Variants in YIPF1 observed in about 807,000 individuals in gnomAD.
YIPF1 encodes the protein Yip1 domain family member 1, also known as protein YIPF1.
A neutral mutation model predicts 37.0 loss-of-function variants in YIPF1; 22 were observed. The observed-to-expected ratio is 0.59, with a 90% CI of 0.42 to 0.85. YIPF1 has a LOEUF of 0.85. Ranked by LOEUF, YIPF1 falls within the 40% of genes least tolerant of loss-of-function variation. The pLI, the probability that YIPF1 is intolerant of heterozygous loss-of-function variation, is 0.00. For missense variants in YIPF1, 355 were observed against 373.1 expected (o/e 0.95, Z 0.40); for synonymous variants, 128 against 131.9 (o/e 0.97, Z 0.21).
rs530924573 is a variant in YIPF1, at chr1:53,887,163, T to A, written c.31+1744A>T. Among the ~76,000 whole-genome samples the A allele has an allele frequency of 8.9e-4, 136 of 152,062 alleles. 3 individuals carry two copies. Among genetic ancestry groups the A allele is most frequent in the African/African-American group, 3.3e-3 (135 of 41,322 alleles). On this transcript the variant is annotated intron_variant, in intron 3 of 10. Transcript: ENST00000072644. ...GCACAGTGGTGCGATCTCGGTTCAC[T>A]GCAACCTCTGGGTTTGAGCAATTCT... is the stretch of plus-strand genomic sequence containing the variant.
chr1:53,861,476 A>G (rs1408899525), intron 9 of YIPF1, among the ~76,000 whole-genome samples: 1 of 152,140 alleles, frequency 6.6e-6, no homozygotes, highest in Non-Finnish European at 1.5e-5. Context: ...GTGACTTTGG[A>G]CAAGTCGCTC....
At chr1:53,864,597 C>T (rs780779166) in intron 9 of YIPF1, among the ~76,000 whole-genome samples, 1 of 150,844 alleles carries the variant, frequency 6.6e-6, no homozygotes, top group Non-Finnish European at 1.5e-5. Flanking sequence ...GAAACATTTA[C>T]TCCTAAAATT....
rs759261713 is a variant in YIPF1 at position 53,885,893 on chromosome 1, G to A, written c.32-2617C>T. On this transcript the variant is annotated intron_variant, in intron 3 of 10. Transcript: ENST00000072644. Reference sequence around the variant, plus strand: ...GTAATACAAAGGATAAATGCTTGAAGTGATGGACACCCTGTTTACCCTGAT... The same window carrying A: ...GTAATACAAAGGATAAATGCTTGAAATGATGGACACCCTGTTTACCCTGAT... 9.3e-4 allele frequency among the ~76,000 whole-genome samples: 141 copies of A among 151,404 alleles called. 1 individual carries two copies. The highest frequency in any genetic ancestry group is 1.7e-3 in the Non-Finnish European group (114 of 67,956).
intron 9 of YIPF1, among the ~76,000 whole-genome samples, chr1:53,861,313 G>T (rs2100721921): frequency 6.6e-6 from 1 of 152,128 alleles, no homozygotes; most frequent in East Asian, 1.9e-4. Context: ...GCTAGTGCTG[G>T]GCTCCTCCAG....
At chr1:53,866,042 C>G (rs1883452) in intron 9 of YIPF1, among the ~76,000 whole-genome samples, 158 bp downstream of exon 9, 66,724 of 152,044 alleles carry the variant, frequency 0.44, 15,632 homozygotes, top group African/African-American at 0.61. Context: ...GCTCGAGATC[C>G]GCCCACTTGG....
Position 53,871,400 on chromosome 1 carries a change from C to T in YIPF1, c.453G>A (p.Thr151=), listed in dbSNP as rs767622145. The change falls in exon 7 of 11, where the codon ACG becomes ACA. Residue 151 remains threonine, a synonymous_variant. Coordinates refer to ENST00000072644, the MANE Select transcript of YIPF1 (RefSeq NM_018982.5). The part of the protein sequence containing the change: ...SNFLIHLGEK[T]YHYVPEFRKV... ...TTCGGAATTCGGGCACATAATGGTA[C>T]GTCTTCTCTCCCAGATGGATCAAGA... 5.0e-6 allele frequency: 8 copies of T among 1,613,848 alleles called. No homozygotes were observed. In the South Asian group the frequency reaches 6.6e-5, roughly 13 times the overall value.
chr1:53,862,677 G>T (rs1456785404), intron 9 of YIPF1, among the ~76,000 whole-genome samples: 1 of 152,086 alleles, frequency 6.6e-6, no homozygotes, highest in Non-Finnish European at 1.5e-5. Context: ...AAGCTGTCTG[G>T]TTCAGCCGGT....
intron 4 of YIPF1, among the ~76,000 whole-genome samples, chr1:53,881,260 A>G (rs1442610525): frequency 3.4e-5 from 4 of 117,498 alleles, no homozygotes; most frequent in Non-Finnish European, 6.1e-5. Flanking sequence ...AAAAAAAAAA[A>G]AGAAAAAGAA....
rs1479351027 is a variant in YIPF1 at position 53,889,738 on chromosome 1, T to G, written c.-295A>C. The G allele has an allele frequency of 6.6e-6, 1 of 152,152 alleles. No individual in the cohort carries two copies. Among genetic ancestry groups the G allele is most frequent in the African/African-American group, 2.4e-5 (1 of 41,398 alleles). 9.4% of individuals were successfully genotyped at this position (152,152 alleles called of 1,614,324 possible). A position where few individuals can be genotyped will look rare whatever the true frequency, so the allele number is the denominator to read the frequency against. On this transcript the variant is annotated 5_prime_UTR_variant, in exon 1 of 11. Transcript: ENST00000072644. ...CTCGCGGGGTTAGGCGTCCCCCGGG[T>G]CCCGAGAAGGCTCGGGCCTCAGTTG...
chr1:53,871,658 C>A lies in YIPF1; in HGVS notation c.365-170G>T, dbSNP rs564964612. Among the ~76,000 whole-genome samples the A allele has an allele frequency of 1.8e-4, 28 of 152,074 alleles. No individual in the cohort carries two copies. The South Asian group carries it at 5.4e-3, about 29-fold the overall frequency. ...ATTTTTTTTTCAAAGGTCAAACACA[C>A]ATCTCAGTAATTAGCTGCCTTAAAG... On this transcript the variant is annotated intron_variant, in intron 6 of 10. Coordinates refer to ENST00000072644, the MANE Select transcript of YIPF1 (RefSeq NM_018982.5).
At chr1:53,871,245 A>G in intron 7 of YIPF1, 127 bp downstream of exon 7, 4 of 711,082 alleles carry the variant, frequency 5.6e-6, no homozygotes, top group Admixed American at 4.7e-5. Context: ...TTGAGTAGAT[A>G]CATTGAACCC....
chr1:53,873,063 A>G (rs1437544982), intron 6 of YIPF1, among the ~76,000 whole-genome samples: 1 of 152,240 alleles, frequency 6.6e-6, no homozygotes, highest in African/African-American at 2.4e-5. Context: ...ATATTAACTT[A>G]CAATACCCAA....
In YIPF1 at chr1:53,866,905, G is replaced by A. The variant is rs905109572; in HGVS notation, c.501C>T (p.Ile167=). 6.2e-7 allele frequency: 1 copy of A among 1,612,788 alleles called. No individual in the cohort carries two copies. The highest frequency in any genetic ancestry group is 1.7e-5 in the Admixed American group (1 of 59,738). Residue 167 remains isoleucine (I), a synonymous_variant, in exon 8 of 11, where the codon ATC becomes ATT. Transcript: ENST00000072644. ...EFRKVSIAAT[I]IYAYAWLVPL... ...GAACCAGCCAGGCATAGGCATAGAT[G>A]ATGGTAGCTGCTATGGACACTGAGG...
At chr1:53,871,692 G>C (rs1650196513) in intron 6 of YIPF1, among the ~76,000 whole-genome samples, 1 of 152,062 alleles carries the variant, frequency 6.6e-6, no homozygotes, top group Non-Finnish European at 1.5e-5. Flanking sequence ...AGAAGGTGGG[G>C]TGTTGGTACT....
In YIPF1 at chr1:53,866,223, T is replaced by C; in HGVS notation, c.808A>G (p.Met270Val). 1.2e-6 allele frequency: 2 copies of C among 1,614,076 alleles called. No homozygotes were observed. Among genetic ancestry groups the C allele is most frequent in the Non-Finnish European group, 1.7e-6 (2 of 1,179,974 alleles). Reference protein sequence around the residue: ...ATIVTIVLLHMLLSVGCLAYF... With the variant: ...ATIVTIVLLHVLLSVGCLAYF... ...ACCAAGCAGCCCACAGAAAGCAGCA[T>C]ATGGAGCAACACAATTGTCACAATT... Residue 270 changes from methionine to valine, a missense_variant, in exon 9 of 11, where the codon ATG (methionine) becomes GTG (valine). By Grantham distance (21) the Met-to-Val change is conservative. Coordinates refer to ENST00000072644, the MANE Select transcript of YIPF1 (RefSeq NM_018982.5).
At chr1:53,854,868 C>T (rs1250019815) in intron 10 of YIPF1, 1 of 151,966 alleles carries the variant, frequency 6.6e-6, no homozygotes, top group Non-Finnish European at 1.5e-5. Flanking sequence ...TGCTAGGGAG[C>T]TATATTGGTA....
At chr1:53,859,241 A>T (rs895368326) in intron 10 of YIPF1, among the ~76,000 whole-genome samples, 2 of 152,226 alleles carry the variant, frequency 1.3e-5, no homozygotes, top group African/African-American at 4.8e-5. Flanking sequence ...TGGACAAATG[A>T]ATGAATAAAT....
chr1:53,878,487 GA>G lies in YIPF1; in HGVS notation c.277-86del, dbSNP rs1410973223. On this transcript the variant is annotated intron_variant, in intron 5 of 10. Coordinates refer to ENST00000072644, the MANE Select transcript of YIPF1 (RefSeq NM_018982.5). ...CTACAAAATTGAAACTCAGTCATTA[GA>G]GCTTTTATGATAGTATTTTCAAATG... 3 of 1,504,116 alleles carry G rather than the reference GA, an allele frequency of 2.0e-6. No individual in the cohort carries two copies. In the African/African-American group the frequency reaches 4.2e-5, roughly 21 times the overall value. 93.2% of individuals were successfully genotyped at this position (1,504,116 alleles called of 1,614,324 possible).
intron 4 of YIPF1, 129 bp from the exon 5 acceptor site, chr1:53,878,851 A>G (rs1380605004): frequency 1.2e-5 from 9 of 757,686 alleles, no homozygotes; most frequent in South Asian, 8.9e-5. Flanking sequence ...TCCACATTCA[A>G]TAACCAACTC....
Sources: gnomAD v4.1 joint callset for allele counts (sites outside exome capture counted in the v4.1 genomes callset) on GRCh38, gnomAD v4.1.1 for gene constraint, MANE v1.5 for transcripts, NCBI Gene and HGNC (gene_info 2026-07-23, HGNC 2026-07-21) for gene names.